PPFIBP1: variants seen among roughly 807,000 people sequenced by gnomAD.
PPFIBP1 encodes the protein PPFIB scaffold protein 1, also known as liprin-beta-1.
PPFIBP1 carries 112 observed loss-of-function variants against 137.8 expected under a neutral mutation model. That is an observed-to-expected ratio of 0.81 (90% CI 0.70 to 0.95). The LOEUF is 0.95. Among genes scored for constraint, PPFIBP1 ranks in the 40% least tolerant of loss-of-function variants. The pLI, the probability that PPFIBP1 is intolerant of heterozygous loss-of-function variation, is 0.00. For missense variants in PPFIBP1, 1,083 were observed against 1,196.6 expected, an observed-to-expected ratio of 0.91 and a Z score of 1.40; for synonymous variants, 378 against 417.3, an observed-to-expected ratio of 0.91 and a Z score of 1.15.
At chr12:27,668,280 T>A (rs2140112033) in intron 13 of PPFIBP1, among the ~76,000 whole-genome samples, 1 of 152,334 alleles carries the variant, frequency 6.6e-6, no homozygotes, top group South Asian at 2.1e-4. Context: ...TCTTGAGGAC[T>A]CTTTCATTGA....
chr12:27,530,617 C>T (rs1944310517), intron 1 of PPFIBP1, among the ~76,000 whole-genome samples: 1 of 152,192 alleles, frequency 6.6e-6, no homozygotes, highest in South Asian at 2.1e-4. Flanking sequence ...ATCCATTCCC[C>T]CCTCCTTTTC....
chr12:27,541,297 G>A (rs1945636402), intron 1 of PPFIBP1, among the ~76,000 whole-genome samples: 1 of 152,106 alleles, frequency 6.6e-6, no homozygotes. Context: ...GTGAGAAAAG[G>A]GGAGGCTGTT....
rs541684150 is a variant in PPFIBP1 at position 27,550,692 on chromosome 12, T to C, written c.-124+26327T>C. On this transcript the variant is annotated intron_variant, in intron 1 of 29. Transcript: ENST00000228425. ...GTAAGACACATTCCAATATTGGAGA[T>C]GTTAAATTAACCTTTAAAATTAACG... Among the ~76,000 whole-genome samples, 12 of 152,328 alleles carry C rather than the reference T, an allele frequency of 7.9e-5. No individual in the cohort carries two copies. In the South Asian group the frequency reaches 1.9e-3, roughly 24 times the overall value.
chr12:27,543,709 G>A (rs1945906387), intron 1 of PPFIBP1, among the ~76,000 whole-genome samples: 1 of 152,090 alleles, frequency 6.6e-6, no homozygotes, highest in Non-Finnish European at 1.5e-5. Flanking sequence ...CATGTTTAGA[G>A]TTCAAGGATC....
intron 2 of PPFIBP1, among the ~76,000 whole-genome samples, chr12:27,598,306 T>C (rs774488404): frequency 3.3e-5 from 5 of 152,178 alleles, no homozygotes; most frequent in African/African-American, 4.8e-5. Context: ...AGTCACATCT[T>C]ACATGGTGGC....
chr12:27,526,154 C>T (rs748209517), intron 1 of PPFIBP1, among the ~76,000 whole-genome samples: 19 of 152,142 alleles, frequency 1.2e-4, no homozygotes, highest in Non-Finnish European at 2.5e-4. Context: ...CGGTAGTGTT[C>T]CTTGGCTGAT....
chr12:27,664,551 A>G, intron 12 of PPFIBP1, 105 bp downstream of exon 12: 1 of 746,096 alleles, frequency 1.3e-6, no homozygotes, highest in South Asian at 1.6e-5. Context: ...CATTGTCCCA[A>G]ATTAGGTAGC....
chr12:27,675,685 G>A (rs997776867), intron 17 of PPFIBP1, among the ~76,000 whole-genome samples: 2 of 152,144 alleles, frequency 1.3e-5, no homozygotes, highest in Non-Finnish European at 2.9e-5. Context: ...AACTCAAGAT[G>A]GATTAAGAAC....
chr12:27,536,798 C>T (rs1328501090), intron 1 of PPFIBP1, among the ~76,000 whole-genome samples: 2 of 152,160 alleles, frequency 1.3e-5, no homozygotes, highest in Non-Finnish European at 2.9e-5. Flanking sequence ...GAGTATTAAA[C>T]CAACTGTGGG....
At chr12:27,633,291 A>G in intron 2 of PPFIBP1, 71 bp from the exon 3 acceptor site, 2 of 995,672 alleles carry the variant, frequency 2.0e-6, no homozygotes. Flanking sequence ...TATCATTTGA[A>G]GGTGAATTAG....
chr12:27,600,547 T>A (rs1476447721), intron 2 of PPFIBP1, among the ~76,000 whole-genome samples: 2 of 152,128 alleles, frequency 1.3e-5, no homozygotes, highest in Non-Finnish European at 2.9e-5. Context: ...TTGCCATATT[T>A]CATTGTATCT....
intron 2 of PPFIBP1, among the ~76,000 whole-genome samples, chr12:27,618,951 T>C (rs562056378): frequency 1.3e-5 from 2 of 152,302 alleles, no homozygotes; most frequent in East Asian, 3.9e-4. Context: ...AGATACACTT[T>C]TTCCTTAGCC....
intron 10 of PPFIBP1, among the ~76,000 whole-genome samples, chr12:27,659,416 G>A (rs2059405340): frequency 6.6e-6 from 1 of 150,886 alleles, no homozygotes; most frequent in Admixed American, 6.7e-5. Flanking sequence ...TTCAAGACCA[G>A]CCTGGGCAAC....
intron 3 of PPFIBP1, among the ~76,000 whole-genome samples, chr12:27,633,820 C>T (rs1435145749): frequency 6.7e-6 from 1 of 148,710 alleles, no homozygotes; most frequent in Non-Finnish European, 1.5e-5. Flanking sequence ...CACTTTCCAC[C>T]AATGACTCCC....
At chr12:27,639,980 T>A (rs2057996676) in intron 4 of PPFIBP1, among the ~76,000 whole-genome samples, 1 of 152,164 alleles carries the variant, frequency 6.6e-6, no homozygotes. Flanking sequence ...AGGAAATGTT[T>A]TCTCAGGCCT....
intron 12 of PPFIBP1, among the ~76,000 whole-genome samples, chr12:27,665,128 C>T (rs1405038095): frequency 6.6e-6 from 1 of 152,092 alleles, no homozygotes; most frequent in Non-Finnish European, 1.5e-5. Flanking sequence ...GCGGAGGTTG[C>T]AGGGAGCCGA....
At position 27,682,706 on chromosome 12, in the gene PPFIBP1, A is replaced by T. The variant is rs769238951; in HGVS notation, c.2247+3A>T. On this transcript the variant is annotated splice_donor_region_variant and intron_variant, in intron 24 of 29. Transcript: ENST00000228425. ...GAATGCTACATTACATGACTGTTGT[A>T]AGTGACTCACTCCTGGGGTTTGGGG... The T allele has an allele frequency of 1.2e-6, 2 of 1,614,008 alleles. No individual in the cohort carries two copies. Among genetic ancestry groups the T allele is most frequent in the African/African-American group, 2.7e-5 (2 of 74,930 alleles).
intron 2 of PPFIBP1, among the ~76,000 whole-genome samples, chr12:27,597,353 A>G (rs959644316): frequency 2.6e-5 from 4 of 152,178 alleles, no homozygotes; most frequent in Admixed American, 2.6e-4. Flanking sequence ...ACGGGGTTTC[A>G]CCATGTTGGT....
chr12:27,692,642 A>T lies in PPFIBP1; in HGVS notation c.2917A>T (p.Ile973Phe), dbSNP rs1202597422. Reference sequence around the variant, plus strand: ...ACAGATAGGTGCATTCTCTGAAGGCATCAACAATCTGACGGTGAGTTTGTG... The same window carrying T: ...ACAGATAGGTGCATTCTCTGAAGGCTTCAACAATCTGACGGTGAGTTTGTG... ...VRQIGAFSEG[I>F]NNLTHMLKED... Residue 973 changes from isoleucine (I) to phenylalanine (F), a missense_variant, in exon 29 of 30, where the codon ATC becomes TTC. Transcript: ENST00000228425. 3.1e-6 allele frequency: 5 copies of T among 1,614,060 alleles called. No homozygotes were observed. Among genetic ancestry groups the T allele is most frequent in the Non-Finnish European group, 4.2e-6 (5 of 1,179,996 alleles).
Sources: allele counts gnomAD v4.1 joint callset (sites outside exome capture counted in the v4.1 genomes callset), GRCh38; gene constraint gnomAD v4.1.1; transcripts MANE v1.5; gene names NCBI Gene and HGNC (gene_info 2026-07-23, HGNC 2026-07-21).